NUDC: variants seen among roughly 807,000 people sequenced by gnomAD.
NUDC encodes the protein nuclear distribution C, dynein complex regulator.
A neutral mutation model predicts 45.0 loss-of-function variants in NUDC; 14 were observed. That is an observed-to-expected ratio of 0.31 (90% CI 0.21 to 0.49). The LOEUF is 0.49. Ranked by LOEUF, NUDC falls within the 20% of genes least tolerant of loss-of-function variation. The pLI is 0.99. For missense variants in NUDC, 323 were observed against 426.2 expected (o/e 0.76, Z 2.13); for synonymous variants, 153 against 156.7 (o/e 0.98, Z 0.17).
chr1:26,905,705 A>T, intron 2 of NUDC, among the ~76,000 whole-genome samples: 2 of 152,116 alleles, frequency 1.3e-5, no homozygotes, highest in Middle Eastern at 6.8e-3. Context: ...CTCACAGAGG[A>T]ATCTTGATGG....
At chr1:26,914,544 C>T (rs1200471791) in intron 3 of NUDC, among the ~76,000 whole-genome samples, 1 of 152,154 alleles carries the variant, frequency 6.6e-6, no homozygotes, top group African/African-American at 2.4e-5. Flanking sequence ...ATCTAGGAGG[C>T]CTCCTCCTCT....
At position 26,928,636 on chromosome 1, in the gene NUDC, T is replaced by G. The variant is rs1047238312; in HGVS notation, c.159+4470T>G. Reference sequence around the variant, plus strand: ...TGCTTGAGCCTGGGAGGTTGAGGCTTCAGTGAGCCGTGATTGTGTCACTAC... The same window carrying G: ...TGCTTGAGCCTGGGAGGTTGAGGCTGCAGTGAGCCGTGATTGTGTCACTAC... On this transcript the variant is annotated intron_variant, in intron 2 of 8. Coordinates refer to ENST00000321265, the MANE Select transcript of NUDC (RefSeq NM_006600.4). Among the ~76,000 whole-genome samples the G allele has an allele frequency of 2.0e-5, 3 of 152,230 alleles. No homozygotes were observed. In the Middle Eastern group the frequency reaches 0.01, roughly 518 times the overall value.
chr1:26,920,206 C>T (rs759005029), upstream of NUDC, among the ~76,000 whole-genome samples: 2 of 152,102 alleles, frequency 1.3e-5, no homozygotes, highest in South Asian at 4.1e-4. Flanking sequence ...TAGACTAGAA[C>T]AGGCCGGGCG....
At position 26,941,865 on chromosome 1, in the gene NUDC, T is replaced by TA. The variant is rs147361383; in HGVS notation, c.429+48dup. 3.5e-4 allele frequency: 550 copies of TA among 1,576,040 alleles called. 2 individuals are homozygous for TA. In the African/African-American group the frequency reaches 6.3e-3, roughly 18 times the overall value. On this transcript the variant is annotated intron_variant, in intron 4 of 8. Coordinates refer to ENST00000321265, the MANE Select transcript of NUDC (RefSeq NM_006600.4). ...TGGGATGAGCCAGGAGCTTGGAACT[T>TA]ACAGGAAATCTCCTGCCTACTGCTT...
chr1:26,936,831 TCGA>T lies in NUDC; in HGVS notation c.160-4621_160-4619del, dbSNP rs200991384. ...CAAATGTGTGGGGTTTTTCCACCACTCGACGACCAGTTCTCCAGTTCTCTGGAC... is the reference window on the plus strand; with the variant it reads ...CAAATGTGTGGGGTTTTTCCACCACTCGACCAGTTCTCCAGTTCTCTGGAC... On this transcript the variant is annotated intron_variant, in intron 2 of 8. Transcript: ENST00000321265. Among the ~76,000 whole-genome samples the T allele has an allele frequency of 2.7e-3, 413 of 151,962 alleles. 4 individuals are homozygous for T. The highest frequency in any genetic ancestry group is 9.4e-3 in the African/African-American group (388 of 41,494).
chr1:26,941,261 A>C (rs1244035772), intron 2 of NUDC, among the ~76,000 whole-genome samples, 196 bp from the exon 3 acceptor site: 1 of 151,950 alleles, frequency 6.6e-6, no homozygotes, highest in African/African-American at 2.4e-5. Context: ...CAGTTTATTG[A>C]GACAGGTGCT....
intron 2 of NUDC, among the ~76,000 whole-genome samples, chr1:26,906,063 C>G (rs2082001519): frequency 6.6e-6 from 1 of 152,016 alleles, no homozygotes; most frequent in Admixed American, 6.6e-5. Context: ...GGGCGGATCA[C>G]CTGAGGTTGG....
rs1361107466 is a variant in NUDC at position 26,941,473 on chromosome 1, T to A, written c.176T>A (p.Phe59Tyr). The stretch of plus-strand genomic sequence containing the variant: ...CCTCTCCAGCTTATCACACAGACTT[T>A]CAGCCACCACAATCAGCTGGCACAG... ...GMAEKLITQT[F>Y]SHHNQLAQKT... Residue 59 changes from phenylalanine (F) to tyrosine (Y), a missense_variant, in exon 3 of 9, where the codon TTC becomes TAC. Transcript: ENST00000321265. The A allele has an allele frequency of 6.2e-7, 1 of 1,613,778 alleles. No homozygotes were observed. Among genetic ancestry groups the A allele is most frequent in the African/African-American group, 1.3e-5 (1 of 74,890 alleles).
At chr1:26,901,946 C>T (rs983302594) in intron 1 of NUDC, among the ~76,000 whole-genome samples, 2 of 152,072 alleles carry the variant, frequency 1.3e-5, no homozygotes, top group African/African-American at 4.8e-5. Flanking sequence ...GCCAAGTTGG[C>T]AAGACCCTTG....
At chr1:26,900,413 C>T (rs760046345) in intron 1 of NUDC, 5 of 1,611,310 alleles carry the variant, frequency 3.1e-6, no homozygotes, top group East Asian at 4.5e-5. Flanking sequence ...AAACTGTCGC[C>T]TCCTCCTCCG....
At position 26,901,100 on chromosome 1, in the gene NUDC, T is replaced by C. The variant is rs371687156; in HGVS notation, c.-101+700T>C. ...GGAAATGTAAGTTGATACAACCACT[T>C]TGGGAAACAATTGGCGTTATCTAGT... On this transcript the variant is annotated intron_variant, in intron 1 of 6. Coordinates refer to the NUDC transcript ENST00000435827. Among the ~76,000 whole-genome samples the C allele has an allele frequency of 5.0e-4, 76 of 152,272 alleles. No homozygotes were observed. In the East Asian group the frequency reaches 0.013, roughly 26 times the overall value.
At chr1:26,937,300 T>G (rs1397792841) in intron 2 of NUDC, among the ~76,000 whole-genome samples, 5 of 152,054 alleles carry the variant, frequency 3.3e-5, no homozygotes, top group Non-Finnish European at 7.4e-5. Context: ...GTTCTCACTC[T>G]CACGCAGGTT....
At chr1:26,945,328 A>G in intron 6 of NUDC, 62 bp from the exon 7 acceptor site, 1 of 1,383,362 alleles carries the variant, frequency 7.2e-7, no homozygotes. Flanking sequence ...TGAAAGGGTT[A>G]AGGGGTGATT....
At chr1:26,940,124 G>C (rs1443446686) in intron 2 of NUDC, among the ~76,000 whole-genome samples, 1 of 152,124 alleles carries the variant, frequency 6.6e-6, no homozygotes. Flanking sequence ...AGGGTGAACA[G>C]GCTCTTCCTT....
intron 2 of NUDC, among the ~76,000 whole-genome samples, chr1:26,906,656 T>G (rs897441166): frequency 2.0e-5 from 3 of 151,342 alleles, no homozygotes; most frequent in Non-Finnish European, 4.4e-5. Context: ...AAGACCATCC[T>G]GGCTAACATG....
intron 3 of NUDC, chr1:26,913,759 T>C: frequency 6.3e-7 from 1 of 1,578,236 alleles, no homozygotes; most frequent in Non-Finnish European, 8.6e-7. Flanking sequence ...GGCCAGAACA[T>C]CCAAGGCCTC....
At chr1:26,942,550 T>A in intron 4 of NUDC, 110 bp from the exon 5 acceptor site, 1 of 1,528,604 alleles carries the variant, frequency 6.5e-7, no homozygotes, top group South Asian at 1.1e-5. Flanking sequence ...ACCAGGTCTG[T>A]TTTCTTTTGT....
intron 2 of NUDC, among the ~76,000 whole-genome samples, chr1:26,936,136 T>TATAG (rs2082228465): frequency 4.5e-4 from 2 of 4,462 alleles, no homozygotes; most frequent in Non-Finnish European, 1.1e-3. Flanking sequence ...GCCCGGCTAA[T>TATAG]ATATATATAT....
At position 26,912,090 on chromosome 1, in the gene NUDC, T is replaced by C. The variant is rs1336883935; in HGVS notation, c.93+855T>C. The C allele has an allele frequency of 3.1e-6, 5 of 1,613,230 alleles. No individual in the cohort carries two copies. The African/African-American group carries it at 6.7e-5, about 22-fold the overall frequency. Reference sequence around the variant, plus strand: ...GCGGCTTGGAGGCCTGGCACATCTGTGGGCAGAGAGGGAGAAGAGGGCTGG... The same window carrying C: ...GCGGCTTGGAGGCCTGGCACATCTGCGGGCAGAGAGGGAGAAGAGGGCTGG... On this transcript the variant is annotated intron_variant, in intron 3 of 6. Coordinates refer to the NUDC transcript ENST00000435827.
Sources: allele counts gnomAD v4.1 joint callset (sites outside exome capture counted in the v4.1 genomes callset), GRCh38; gene constraint gnomAD v4.1.1; transcripts MANE v1.5; gene names NCBI Gene and HGNC (gene_info 2026-07-23, HGNC 2026-07-21).